RASA2: variants seen among roughly 807,000 people sequenced by gnomAD.
The protein encoded by RASA2 is ras GTPase-activating protein 2.
In RASA2, 155 loss-of-function variants were observed where a neutral mutation model predicts 118.2. The observed-to-expected ratio is 1.31, with a 90% CI of 1.15 to 1.50. The LOEUF (loss-of-function observed/expected upper bound fraction) is 1.50. Ranked by LOEUF, RASA2 falls within the 40% of genes most tolerant of loss-of-function variation. RASA2 has a pLI of 0.00. For missense variants in RASA2, 1,016 were observed against 1,009.6 expected, an observed-to-expected ratio of 1.01 and a Z score of -0.09; for synonymous variants, 353 against 349.1, an observed-to-expected ratio of 1.01 and a Z score of -0.12.
At chr3:141,513,624 T>C (rs1480313082) in intron 2 of RASA2, among the ~76,000 whole-genome samples, 1 of 152,220 alleles carries the variant, frequency 6.6e-6, no homozygotes, top group East Asian at 1.9e-4. Flanking sequence ...CTAGTTACTT[T>C]GTGAGACCAA....
At chr3:141,583,803 T>C (rs1366783613) in intron 17 of RASA2, among the ~76,000 whole-genome samples, 1 of 152,166 alleles carries the variant, frequency 6.6e-6, no homozygotes, top group Non-Finnish European at 1.5e-5. Context: ...CTCAATACTA[T>C]CCTTATTGGA....
chr3:141,602,634 T>C (rs771475018), intron 19 of RASA2, among the ~76,000 whole-genome samples: 32 of 152,218 alleles, frequency 2.1e-4, no homozygotes, highest in African/African-American at 7.0e-4. Flanking sequence ...CTCTCTCTCT[T>C]ACTTACAGTG....
At chr3:141,507,191 C>T (rs934351140) in intron 1 of RASA2, among the ~76,000 whole-genome samples, 2 of 152,024 alleles carry the variant, frequency 1.3e-5, no homozygotes, top group African/African-American at 4.8e-5. Flanking sequence ...TTTCTGTGTC[C>T]ATGTTTGATC....
intron 2 of RASA2, among the ~76,000 whole-genome samples, chr3:141,513,827 G>C (rs1031220736): frequency 6.6e-6 from 1 of 152,130 alleles, no homozygotes; most frequent in African/African-American, 2.4e-5. Flanking sequence ...GCATTTCATA[G>C]CGATATTTCT....
chr3:141,491,565 C>T (rs2081640238), intron 1 of RASA2, among the ~76,000 whole-genome samples: 1 of 152,040 alleles, frequency 6.6e-6, no homozygotes, highest in African/African-American at 2.4e-5. Context: ...TGGATAATTA[C>T]TAGATATGAA....
intron 1 of RASA2, among the ~76,000 whole-genome samples, chr3:141,502,436 C>T (rs2081797725): frequency 6.6e-6 from 1 of 152,142 alleles, no homozygotes. Context: ...CTGTTTGATA[C>T]TAGCTGTCCT....
chr3:141,540,493 A>G, intron 4 of RASA2, 40 bp from the exon 5 acceptor site: 5 of 1,508,554 alleles, frequency 3.3e-6, no homozygotes, highest in Non-Finnish European at 4.6e-6. Flanking sequence ...TTTTGTCAGT[A>G]AAATAGACTA....
chr3:141,499,055 A>G (rs2081742442), intron 1 of RASA2, among the ~76,000 whole-genome samples: 1 of 152,218 alleles, frequency 6.6e-6, no homozygotes, highest in African/African-American at 2.4e-5. Context: ...CTTCCTGGCA[A>G]TACCTTGTGA....
chr3:141,577,054 T>G lies in RASA2; in HGVS notation c.1538T>G (p.Phe513Cys). ...AVSSFVFLRF[F>C]AVAVVSPHTF... ...AGCAGCTTTGTATTTCTTCGTTTCT[T>G]TGCTGTAGCCGTAGTATCACCTCAT... The change falls in exon 15 of 24, where the codon TTT becomes TGT. Residue 513 changes from phenylalanine to cysteine, a missense_variant. By Grantham distance (205) the Phe-to-Cys change is radical (BLOSUM62 -2). Around this residue, in one of 2 missense-constraint regions of RASA2, gnomAD observed 896 missense variants for 836.4 expected, o/e 1.07. Coordinates refer to ENST00000286364, the MANE Select transcript of RASA2 (RefSeq NM_006506.5). The G allele has an allele frequency of 1.2e-6, 2 of 1,612,304 alleles. No individual in the cohort carries two copies. Among genetic ancestry groups the G allele is most frequent in the Non-Finnish European group, 1.7e-6 (2 of 1,178,970 alleles).
intron 19 of RASA2, among the ~76,000 whole-genome samples, chr3:141,601,914 G>C (rs2083470808): frequency 6.6e-6 from 1 of 152,210 alleles, no homozygotes; most frequent in South Asian, 2.1e-4. Context: ...CACTGATTTA[G>C]CTCATGTGAA....
At chr3:141,579,653 A>G (rs1407007718) in intron 15 of RASA2, among the ~76,000 whole-genome samples, 3 of 152,198 alleles carry the variant, frequency 2.0e-5, no homozygotes, top group Non-Finnish European at 2.9e-5. Context: ...TGCCATTTTA[A>G]GTTATAAGGT....
chr3:141,487,887 G>A (rs1015814601), intron 1 of RASA2, among the ~76,000 whole-genome samples: 1 of 152,166 alleles, frequency 6.6e-6, no homozygotes, highest in Admixed American at 6.5e-5. Flanking sequence ...CGCTGCGGCC[G>A]GGACTTGAAT....
chr3:141,542,536 A>G (rs1259385369), intron 5 of RASA2, among the ~76,000 whole-genome samples: 1 of 152,072 alleles, frequency 6.6e-6, no homozygotes, highest in Non-Finnish European at 1.5e-5. Context: ...ATAATTACAG[A>G]TTTACAGAAA....
chr3:141,528,367 G>A (rs1393447087), intron 3 of RASA2, among the ~76,000 whole-genome samples: 1 of 151,628 alleles, frequency 6.6e-6, no homozygotes, highest in Non-Finnish European at 1.5e-5. Context: ...CCCTTTTAAG[G>A]TATACATTAT....
chr3:141,594,585 C>T (rs1177017669), intron 19 of RASA2, among the ~76,000 whole-genome samples: 1 of 152,010 alleles, frequency 6.6e-6, no homozygotes, highest in Non-Finnish European at 1.5e-5. Context: ...ACAGCCAACT[C>T]CTCATAAAAA....
chr3:141,584,330 C>CAAAAAA (rs56396460), intron 17 of RASA2, among the ~76,000 whole-genome samples: 12 of 60,668 alleles, frequency 2.0e-4, no homozygotes, highest in Non-Finnish European at 2.9e-4. Flanking sequence ...AACTCCATCC[C>CAAAAAA]AAAAAAAAAA....
chr3:141,555,790 A>C (rs1218031331), intron 6 of RASA2, 50 bp from the exon 7 acceptor site: 1 of 1,494,162 alleles, frequency 6.7e-7, no homozygotes, highest in Admixed American at 1.9e-5. Context: ...ATGTTTTATA[A>C]TTGTGTACTG....
At chr3:141,549,789 A>C (rs2082545598) in intron 5 of RASA2, among the ~76,000 whole-genome samples, 1 of 152,158 alleles carries the variant, frequency 6.6e-6, no homozygotes, top group African/African-American at 2.4e-5. Context: ...TTGGGCAGGG[A>C]AAATATGAGA....
chr3:141,610,743 G>A (rs1441527283), intron 23 of RASA2, among the ~76,000 whole-genome samples: 5 of 151,698 alleles, frequency 3.3e-5, no homozygotes, highest in African/African-American at 4.8e-5. Flanking sequence ...CTCCTGCCTC[G>A]TCTCTCAAAG....
Sources: gnomAD v4.1 joint callset for allele counts (sites outside exome capture counted in the v4.1 genomes callset) on GRCh38, gnomAD v4.1.1 for gene constraint, gnomAD v4.1.1 regional missense constraint, MANE v1.5 for transcripts, NCBI Gene and HGNC (gene_info 2026-07-23, HGNC 2026-07-21) for gene names.